The following THADA variants were observed in gnomAD, a reference collection of about 807,000 sequenced individuals.
THADA encodes the protein THADA armadillo repeat containing.
Under a neutral mutation model 219.8 loss-of-function variants are expected in THADA, and 213 were observed. The ratio of observed to expected loss-of-function variants is 0.97; its 90% confidence interval spans 0.87 to 1.09. THADA has a LOEUF of 1.09. THADA is among the 50% of genes least tolerant of loss of function. The probability of loss-of-function intolerance (pLI) is 0.00; values close to 1 mark genes in which losing one functional copy is unlikely to be tolerated. For missense variants in THADA, 2,956 were observed against 2,311.3 expected (o/e 1.28, Z -5.72); for synonymous variants, 1,018 against 828.9 (o/e 1.23, Z -3.92).
Position 43,283,191 on chromosome 2 carries a change from G to A in THADA, c.5165-3295C>T, listed in dbSNP as rs148447239. 1.4e-3 allele frequency among the ~76,000 whole-genome samples: 207 copies of A among 152,228 alleles called. 1 individual carries two copies. The highest frequency in any genetic ancestry group is 4.8e-3 in the African/African-American group (200 of 41,538). On this transcript the variant is annotated intron_variant, in intron 35 of 37. Coordinates refer to ENST00000405975, the MANE Select transcript of THADA (RefSeq NM_022065.5). ...CTGCCATGATTGTAAGTTTCCTAAG[G>A]CCTCCCAGCCATGCTTCCTGTTAAG... is the stretch of plus-strand genomic sequence containing the variant.
chr2:43,280,225 A>C (rs1362615397), intron 35 of THADA, among the ~76,000 whole-genome samples: 2 of 152,208 alleles, frequency 1.3e-5, no homozygotes, highest in East Asian at 3.9e-4. Context: ...TCTCTAGAAG[A>C]AAACTTTATG....
At chr2:43,305,701 G>T (rs1347016441) in intron 31 of THADA, among the ~76,000 whole-genome samples, 1 of 152,062 alleles carries the variant, frequency 6.6e-6, no homozygotes, top group Non-Finnish European at 1.5e-5. Context: ...AAAGGATCTG[G>T]GTAGGCTAAA....
chr2:43,567,013 C>A (rs1698770362), intron 14 of THADA, among the ~76,000 whole-genome samples, 192 bp from the exon 15 acceptor site: 1 of 151,884 alleles, frequency 6.6e-6, no homozygotes, highest in Non-Finnish European at 1.5e-5. Context: ...TATATTATGA[C>A]TTTAATAAAC....
At chr2:43,488,510 T>C (rs1050857823) in intron 25 of THADA, among the ~76,000 whole-genome samples, 2 of 152,210 alleles carry the variant, frequency 1.3e-5, no homozygotes, top group Non-Finnish European at 2.9e-5. Flanking sequence ...TGTATCAGTA[T>C]GTTATTCCTT....
intron 36 of THADA, among the ~76,000 whole-genome samples, chr2:43,238,994 C>T (rs1668350132): frequency 6.6e-6 from 1 of 152,202 alleles, no homozygotes; most frequent in African/African-American, 2.4e-5. Context: ...AGAAATATGC[C>T]CTAGAATCTT....
rs1000726111 is a variant in THADA at position 43,310,225 on chromosome 2, C to G, written c.4438+10221G>C. Among the ~76,000 whole-genome samples, 37 of 42,080 alleles carry G rather than the reference C, an allele frequency of 8.8e-4. 2 individuals are homozygous for G. The highest frequency in any genetic ancestry group is 5.4e-3 in the African/African-American group (36 of 6,688). 27.6% of individuals were successfully genotyped at this position (42,080 alleles called of 152,430 possible). On this transcript the variant is annotated intron_variant, in intron 31 of 37. Transcript: ENST00000405975. Reference sequence around the variant, plus strand: ...TCCCTCCCTCCCTCCCTCCCTTTCCCGCCCCCCCCCCAAACAAGCTGATCC... The same window carrying G: ...TCCCTCCCTCCCTCCCTCCCTTTCCGGCCCCCCCCCCAAACAAGCTGATCC...
chr2:43,336,292 G>C (rs1464700971), intron 30 of THADA, among the ~76,000 whole-genome samples: 4 of 151,758 alleles, frequency 2.6e-5, no homozygotes, highest in Non-Finnish European at 4.4e-5. Flanking sequence ...TTGTTTTTGA[G>C]ACAGAGTCTC....
intron 29 of THADA, among the ~76,000 whole-genome samples, chr2:43,368,521 C>T (rs1314629131): frequency 6.6e-6 from 1 of 151,990 alleles, no homozygotes; most frequent in African/African-American, 2.4e-5. Context: ...CTCAGCCTCC[C>T]CAGTAGCTGG....
intron 26 of THADA, among the ~76,000 whole-genome samples, chr2:43,468,604 A>C (rs958459735): frequency 5.3e-5 from 8 of 152,082 alleles, no homozygotes; most frequent in African/African-American, 1.4e-4. Flanking sequence ...TACCAAAGCT[A>C]CTCAATTATA....
chr2:43,278,462 T>C (rs1672977368), intron 36 of THADA, among the ~76,000 whole-genome samples: 2 of 152,224 alleles, frequency 1.3e-5, no homozygotes, highest in Non-Finnish European at 2.9e-5. Flanking sequence ...GCTTTCTGTG[T>C]GTCCTTCTAA....
intron 26 of THADA, among the ~76,000 whole-genome samples, chr2:43,472,699 T>C (rs1296975803): frequency 1.3e-5 from 2 of 152,188 alleles, no homozygotes; most frequent in Non-Finnish European, 2.9e-5. Flanking sequence ...CATTAGACAA[T>C]TGCATTGTAG....
At chr2:43,241,260 T>C (rs1440220731) in intron 36 of THADA, among the ~76,000 whole-genome samples, 1 of 151,802 alleles carries the variant, frequency 6.6e-6, no homozygotes, top group Non-Finnish European at 1.5e-5. Flanking sequence ...CCCCTAATTT[T>C]TGTATTTTTT....
At position 43,581,864 on chromosome 2, in the gene THADA, C is replaced by T. The variant is rs1175624595; in HGVS notation, c.598G>A (p.Val200Ile). 5 of 1,608,240 alleles carry T rather than the reference C, an allele frequency of 3.1e-6. No homozygotes were observed. In the East Asian group the frequency reaches 9.0e-5, roughly 29 times the overall value. ...LMNDLLVGIR[V>I]SMMLVQKVQD... Reference sequence around the variant, plus strand: ...ACTTTCTGTACTAACATCATTGAAACTCTAATGCCTACCAGTAAGTCATTC... The same window carrying T: ...ACTTTCTGTACTAACATCATTGAAATTCTAATGCCTACCAGTAAGTCATTC... The change falls in exon 8 of 38, where the codon GTT becomes ATT. Residue 200 changes from valine (V) to isoleucine (I), a missense_variant. By Grantham distance (29) the Val-to-Ile change is conservative. Coordinates refer to ENST00000405975, the MANE Select transcript of THADA (RefSeq NM_022065.5).
chr2:43,450,295 C>A (rs529584736), intron 26 of THADA, among the ~76,000 whole-genome samples: 3 of 152,116 alleles, frequency 2.0e-5, no homozygotes, highest in Admixed American at 6.5e-5. Context: ...AAAAATAAAA[C>A]AACTACTAAT....
chr2:43,419,193 A>G (rs1677390143), intron 28 of THADA, among the ~76,000 whole-genome samples: 1 of 152,172 alleles, frequency 6.6e-6, no homozygotes, highest in South Asian at 2.1e-4. Flanking sequence ...CAGTAAATAC[A>G]CTTAATGGAA....
chr2:43,535,616 G>C (rs1694470537), intron 21 of THADA, among the ~76,000 whole-genome samples: 1 of 142,978 alleles, frequency 7.0e-6, no homozygotes, highest in African/African-American at 2.7e-5. Context: ...AGGAGGCAGA[G>C]GTTCATCTAA....
intron 31 of THADA, among the ~76,000 whole-genome samples, chr2:43,319,297 T>A (rs1221762769): frequency 6.6e-6 from 1 of 152,220 alleles, no homozygotes; most frequent in Non-Finnish European, 1.5e-5. Flanking sequence ...GGGCGCACTA[T>A]TAATAATTAT....
At chr2:43,373,813 C>T (rs561310632) in intron 29 of THADA, among the ~76,000 whole-genome samples, 33 of 152,314 alleles carry the variant, frequency 2.2e-4, no homozygotes, top group African/African-American at 6.5e-4. Flanking sequence ...TATTGGAATA[C>T]ACCAGGAAAA....
intron 26 of THADA, among the ~76,000 whole-genome samples, chr2:43,473,484 T>C (rs568455325): frequency 6.6e-5 from 10 of 152,174 alleles, no homozygotes; most frequent in African/African-American, 2.4e-4. Flanking sequence ...AGTTTTACAG[T>C]TAACTTTTTT....
Sources: gnomAD v4.1 joint callset for allele counts (sites outside exome capture counted in the v4.1 genomes callset) on GRCh38, gnomAD v4.1.1 for gene constraint, MANE v1.5 for transcripts, NCBI Gene and HGNC (gene_info 2026-07-23, HGNC 2026-07-21) for gene names.